Variants in CALD1 observed in about 807,000 individuals in gnomAD.
CALD1 encodes caldesmon 1.
In CALD1, 33 loss-of-function variants were observed where a neutral mutation model predicts 99.9. The observed-to-expected ratio is 0.33, with a 90% CI of 0.25 to 0.44. The LOEUF (loss-of-function observed/expected upper bound fraction) is 0.44, where lower values mean the gene tolerates loss of function less well. Ranked by LOEUF, CALD1 falls within the 20% of genes least tolerant of loss-of-function variation. The probability of loss-of-function intolerance (pLI) is 1.00; values close to 1 mark genes in which losing one functional copy is unlikely to be tolerated. For synonymous variants in CALD1, 310 were observed against 325.0 expected (o/e 0.95, Z 0.50); for missense variants, 861 against 962.1 (o/e 0.89, Z 1.39).
At chr7:134,735,464 C>T in the CALD1 span, among the ~76,000 whole-genome samples, 2 of 152,002 alleles carry the variant, frequency 1.3e-5, no homozygotes, top group Non-Finnish European at 2.9e-5. Flanking sequence ...TGCGTACAAT[C>T]TGGTGAGTGT....
At chr7:134,915,617 C>G (rs759078826) in intron 3 of CALD1, among the ~76,000 whole-genome samples, 2 of 152,190 alleles carry the variant, frequency 1.3e-5, no homozygotes, top group African/African-American at 2.4e-5. Flanking sequence ...GTCTCTAATG[C>G]TCATGCTCCC....
At chr7:134,882,101 C>A (rs534655054) in intron 3 of CALD1, among the ~76,000 whole-genome samples, 1 of 152,306 alleles carries the variant, frequency 6.6e-6, no homozygotes, top group Admixed American at 6.5e-5. Flanking sequence ...ACTTTTATTT[C>A]CCCAAGACCA....
chr7:134,847,942 T>C (rs1799920290), intron 2 of CALD1, among the ~76,000 whole-genome samples: 1 of 152,162 alleles, frequency 6.6e-6, no homozygotes. Context: ...TTTCCTAAGG[T>C]TCCAACTGGA....
chr7:134,870,293 G>A (rs1016366914), intron 3 of CALD1, among the ~76,000 whole-genome samples: 14 of 152,324 alleles, frequency 9.2e-5, no homozygotes, highest in African/African-American at 3.1e-4. Flanking sequence ...TGGGCATCAG[G>A]CTAGATTGCC....
the CALD1 span, among the ~76,000 whole-genome samples, chr7:134,719,663 G>T: frequency 6.6e-6 from 1 of 152,144 alleles, no homozygotes; most frequent in African/African-American, 2.4e-5. Context: ...AATGGCCATT[G>T]TCCGATATGT....
At chr7:134,735,565 CTG>C in the CALD1 span, among the ~76,000 whole-genome samples, 4,498 of 121,246 alleles carry the variant, frequency 0.037, 110 homozygotes, top group African/African-American at 0.087. Flanking sequence ...CCACTACCCT[CTG>C]TGTGTGTGTG....
At chr7:134,894,452 T>A (rs1289640564) in intron 3 of CALD1, among the ~76,000 whole-genome samples, 1 of 152,196 alleles carries the variant, frequency 6.6e-6, no homozygotes, top group Non-Finnish European at 1.5e-5. Flanking sequence ...CAAACTCAAT[T>A]CCCCTTAGTT....
intron 9 of CALD1, among the ~76,000 whole-genome samples, chr7:134,953,982 C>T (rs1449456769): frequency 6.6e-6 from 1 of 152,176 alleles, no homozygotes; most frequent in East Asian, 1.9e-4. Flanking sequence ...TGCTGTGACT[C>T]TGATTTTCAA....
intron 1 of CALD1, among the ~76,000 whole-genome samples, chr7:134,753,503 C>T (rs765906004): frequency 2.6e-5 from 4 of 152,158 alleles, no homozygotes; most frequent in Non-Finnish European, 5.9e-5. Context: ...TACTGACATC[C>T]GGCTCCACCT....
the CALD1 span, among the ~76,000 whole-genome samples, chr7:134,722,332 T>C: frequency 6.6e-6 from 1 of 152,214 alleles, no homozygotes; most frequent in Non-Finnish European, 1.5e-5. Context: ...TTCTAATCTT[T>C]TGATTTTAGT....
intron 3 of CALD1, among the ~76,000 whole-genome samples, chr7:134,889,051 T>C (rs1802017320): frequency 6.6e-6 from 1 of 152,228 alleles, no homozygotes; most frequent in Non-Finnish European, 1.5e-5. Context: ...CACCTCAGAA[T>C]TGGCGTGGGG....
At chr7:134,903,680 T>C (rs1474466307) in intron 3 of CALD1, among the ~76,000 whole-genome samples, 1 of 152,068 alleles carries the variant, frequency 6.6e-6, no homozygotes, top group African/African-American at 2.4e-5. Context: ...TGCAGGTCTG[T>C]CTGTGTCTGA....
At chr7:134,871,126 A>C (rs1402582979) in intron 3 of CALD1, among the ~76,000 whole-genome samples, 1 of 152,150 alleles carries the variant, frequency 6.6e-6, no homozygotes, top group Non-Finnish European at 1.5e-5. Flanking sequence ...TCTCTGGGGT[A>C]TTGGTGGTCA....
intron 1 of CALD1, among the ~76,000 whole-genome samples, chr7:134,760,159 A>C (rs1796763768): frequency 6.6e-6 from 1 of 152,216 alleles, no homozygotes; most frequent in South Asian, 2.1e-4. Context: ...GTAGGAGATG[A>C]AGTCTGAGAG....
chr7:134,810,254 C>A (rs978936159), intron 1 of CALD1, among the ~76,000 whole-genome samples: 2 of 152,046 alleles, frequency 1.3e-5, no homozygotes, highest in African/African-American at 4.8e-5. Flanking sequence ...AATCAGTGGT[C>A]GGAGATAGCA....
intron 1 of CALD1, among the ~76,000 whole-genome samples, chr7:134,785,973 C>T (rs1797288986): frequency 6.6e-6 from 1 of 152,118 alleles, no homozygotes; most frequent in Non-Finnish European, 1.5e-5. Context: ...ATCTGTATGC[C>T]AGCTCCAACC....
chr7:134,911,998 C>T (rs1192571172), intron 3 of CALD1, among the ~76,000 whole-genome samples: 2 of 151,580 alleles, frequency 1.3e-5, no homozygotes, highest in Non-Finnish European at 2.9e-5. Flanking sequence ...TTTGAGCTGA[C>T]ATTGATGGAC....
intron 1 of CALD1, among the ~76,000 whole-genome samples, chr7:134,753,326 C>T (rs972259792): frequency 6.6e-6 from 1 of 152,132 alleles, no homozygotes; most frequent in Non-Finnish European, 1.5e-5. Flanking sequence ...ATCATCTCAT[C>T]TGCTAAAAAA....
At position 134,947,510 on chromosome 7, in the gene CALD1, G is replaced by C; in HGVS notation, c.1535G>C (p.Arg512Pro). 6.4e-7 allele frequency: 1 copy of C among 1,567,746 alleles called. No homozygotes were observed. The highest frequency in any genetic ancestry group is 8.6e-7 in the Non-Finnish European group (1 of 1,156,082). The change falls in exon 8 of 15, where the codon CGC becomes CCC. Residue 512 changes from arginine to proline, a missense_variant and splice_region_variant. Coordinates refer to ENST00000361675, the MANE Select transcript of CALD1 (RefSeq NM_033138.4). ...KLKHTENTFS[R>P]PGGRASVDTK... ...TTTCCATTGCCCCCCAACCACAGCC[G>C]CCCTGGAGGGAGGGCCAGCGTGGAC...
Sources: gnomAD v4.1 joint callset for allele counts (sites outside exome capture counted in the v4.1 genomes callset) on GRCh38, gnomAD v4.1.1 for gene constraint, MANE v1.5 for transcripts, NCBI Gene and HGNC (gene_info 2026-07-23, HGNC 2026-07-21) for gene names.